MDGA2: variants seen among roughly 807,000 people sequenced by gnomAD.
The protein encoded by MDGA2 is MAM domain containing glycosylphosphatidylinositol anchor 2, also known as MAM domain-containing glycosylphosphatidylinositol anchor protein 2.
MDGA2 carries 40 observed loss-of-function variants against 117.8 expected under a neutral mutation model. The ratio of observed to expected loss-of-function variants is 0.34; its 90% CI spans 0.26 to 0.44. MDGA2 has a LOEUF of 0.44. Among genes scored for constraint, MDGA2 ranks in the 20% least tolerant of loss-of-function variants. The pLI is 1.00. For missense variants in MDGA2, 1,123 were observed against 1,250.6 expected, an observed-to-expected ratio of 0.90 and a Z score of 1.54; for synonymous variants, 452 against 439.0, an observed-to-expected ratio of 1.03 and a Z score of -0.37.
chr14:47,118,320 T>C (rs536431204), intron 5 of MDGA2, among the ~76,000 whole-genome samples: 6 of 152,316 alleles, frequency 3.9e-5, no homozygotes, highest in Admixed American at 1.3e-4. Context: ...ATGGAATACA[T>C]ATAGAAGAAC....
At chr14:47,601,055 C>A (rs936579038) in intron 1 of MDGA2, among the ~76,000 whole-genome samples, 1 of 152,120 alleles carries the variant, frequency 6.6e-6, no homozygotes, top group African/African-American at 2.4e-5. Flanking sequence ...AGAGTACAGG[C>A]TGACAAAATA....
intron 3 of MDGA2, among the ~76,000 whole-genome samples, chr14:47,149,066 G>A (rs1331668154): frequency 2.0e-5 from 3 of 152,114 alleles, no homozygotes; most frequent in Admixed American, 2.0e-4. Flanking sequence ...AAGGTTGGGT[G>A]GATCATTTGA....
At chr14:47,478,379 ATAT>A (rs928700278) in intron 1 of MDGA2, among the ~76,000 whole-genome samples, 3 of 151,966 alleles carry the variant, frequency 2.0e-5, no homozygotes, top group African/African-American at 4.8e-5. Context: ...GTATTTGAAA[ATAT>A]TATTATTATT....
At chr14:46,989,715 C>CT (rs1289778289) in intron 8 of MDGA2, among the ~76,000 whole-genome samples, 1 of 151,898 alleles carries the variant, frequency 6.6e-6, no homozygotes, top group Non-Finnish European at 1.5e-5. Flanking sequence ...TATACAGGCA[C>CT]TTATATATAT....
intron 1 of MDGA2, among the ~76,000 whole-genome samples, chr14:47,661,475 T>C (rs10483563): frequency 0.064 from 9,769 of 152,220 alleles, 1,037 homozygotes; most frequent in African/African-American, 0.22. Context: ...TCCAAGTTAC[T>C]TAAGTTTTGT....
intron 1 of MDGA2, among the ~76,000 whole-genome samples, chr14:47,404,217 GCT>G (rs1471044723): frequency 1.4e-5 from 2 of 147,960 alleles, no homozygotes; most frequent in Non-Finnish European, 1.5e-5. Context: ...ACAGGGTCTC[GCT>G]CTTTCACCCA....
intron 6 of MDGA2, among the ~76,000 whole-genome samples, chr14:47,084,148 C>A (rs2138907206): frequency 6.6e-6 from 1 of 152,160 alleles, no homozygotes; most frequent in Middle Eastern, 3.4e-3. Context: ...ATAGGATAGA[C>A]CATATGCTGC....
intron 2 of MDGA2, among the ~76,000 whole-genome samples, chr14:47,271,615 T>C (rs1404906406): frequency 1.3e-5 from 2 of 152,150 alleles, no homozygotes; most frequent in African/African-American, 2.4e-5. Flanking sequence ...GTCCCATTCC[T>C]GTGGCTGGCT....
rs1892139220 is a variant in MDGA2 at position 47,401,122 on chromosome 14, G to C, written c.281-99572C>G. Among the ~76,000 whole-genome samples, 5 of 151,336 alleles carry C rather than the reference G, an allele frequency of 3.3e-5. No homozygotes were observed. In the South Asian group the frequency reaches 1.0e-3, roughly 32 times the overall value. ...TGCTTCATTTGTCTAATTAACAGTA[G>C]AATCTCAATAAAAACACATCAAGTA... On this transcript the variant is annotated intron_variant, in intron 1 of 16. Coordinates refer to ENST00000399232, the MANE Select transcript of MDGA2 (RefSeq NM_001113498.3).
chr14:46,952,881 A>C (rs569016178), intron 9 of MDGA2, among the ~76,000 whole-genome samples: 1 of 152,062 alleles, frequency 6.6e-6, no homozygotes, highest in Admixed American at 6.6e-5. Context: ...GCTTTGAAGA[A>C]TTATGACAAT....
intron 1 of MDGA2, among the ~76,000 whole-genome samples, chr14:47,655,870 T>A (rs2138279924): frequency 6.6e-6 from 1 of 152,212 alleles, no homozygotes; most frequent in South Asian, 2.1e-4. Flanking sequence ...AAGAATTAAT[T>A]CCTCAAGCTT....
chr14:46,959,834 G>A (rs1027162665), intron 8 of MDGA2, among the ~76,000 whole-genome samples: 1 of 152,010 alleles, frequency 6.6e-6, no homozygotes, highest in Non-Finnish European at 1.5e-5. Flanking sequence ...TTATACTACT[G>A]AAGAACACAA....
chr14:46,870,392 C>T lies in MDGA2; in HGVS notation c.2752+3041G>A, dbSNP rs114606445. 4.6e-3 allele frequency among the ~76,000 whole-genome samples: 694 copies of T among 152,062 alleles called. 7 individuals are homozygous for T. The highest frequency in any genetic ancestry group is 0.015 in the African/African-American group (634 of 41,506). ...AAAAGAATGACTAAAACTGAAAATACAATTTGTAAAACCAGTGGCTATAAA... is the reference window on the plus strand; with the variant it reads ...AAAAGAATGACTAAAACTGAAAATATAATTTGTAAAACCAGTGGCTATAAA... On this transcript the variant is annotated intron_variant, in intron 14 of 16. Transcript: ENST00000399232.
rs937071372 is a variant in MDGA2 at position 47,313,025 on chromosome 14, GTAAC to G, written c.281-11479_281-11476del. 1.1e-4 allele frequency among the ~76,000 whole-genome samples: 17 copies of G among 151,018 alleles called. No homozygotes were observed. The South Asian group carries it at 1.5e-3, about 13-fold the overall frequency. On this transcript the variant is annotated intron_variant, in intron 1 of 16. Transcript: ENST00000399232. The stretch of plus-strand genomic sequence containing the variant: ...ATGAAGAAATATTAATACATAAAAA[GTAAC>G]TAAGCATTATTTGTAGCCATACTCT...
intron 1 of MDGA2, among the ~76,000 whole-genome samples, chr14:47,318,651 C>A (rs1889881640): frequency 6.6e-6 from 1 of 152,014 alleles, no homozygotes; most frequent in Non-Finnish European, 1.5e-5. Context: ...GCATTTTATC[C>A]CAAGGACCAA....
intron 6 of MDGA2, among the ~76,000 whole-genome samples, chr14:47,078,018 C>T (rs1594596223): frequency 6.6e-6 from 1 of 151,912 alleles, no homozygotes; most frequent in Admixed American, 6.6e-5. Flanking sequence ...CAAGAGAAAT[C>T]AGCAAAAGGA....
chr14:47,026,018 T>C (rs1888461833), intron 8 of MDGA2, among the ~76,000 whole-genome samples: 2 of 152,148 alleles, frequency 1.3e-5, no homozygotes, highest in African/African-American at 4.8e-5. Context: ...GGTAGATTAT[T>C]CAATACAGGA....
At chr14:47,222,426 C>A (rs1445826436) in intron 2 of MDGA2, among the ~76,000 whole-genome samples, 2 of 151,904 alleles carry the variant, frequency 1.3e-5, no homozygotes, top group Non-Finnish European at 2.9e-5. Flanking sequence ...CAGTAAAGTA[C>A]AGAGCCACTA....
At position 47,097,241 on chromosome 14, in the gene MDGA2, C is replaced by G. The variant is rs556446436; in HGVS notation, c.926-118G>C. 6.1e-5 allele frequency: 61 copies of G among 1,007,888 alleles called. 1 individual carries two copies. In the South Asian group the frequency reaches 9.8e-4, roughly 16 times the overall value. The allele number at this position is 1,007,888 out of a possible 1,614,324, so 62.4% of individuals were successfully genotyped here. On this transcript the variant is annotated intron_variant, in intron 5 of 16. Coordinates refer to ENST00000399232, the MANE Select transcript of MDGA2 (RefSeq NM_001113498.3). ...AAAATGAAATATAGTCCTCTTTTGC[C>G]AAAATCATACTGTATTACTCAAATT...
Sources: gnomAD v4.1 joint callset for allele counts (sites outside exome capture counted in the v4.1 genomes callset) on GRCh38, gnomAD v4.1.1 for gene constraint, MANE v1.5 for transcripts, NCBI Gene and HGNC (gene_info 2026-07-23, HGNC 2026-07-21) for gene names.